The following APBB1IP variants were observed in gnomAD, a reference collection of about 807,000 sequenced individuals.
APBB1IP encodes amyloid beta A4 precursor protein-binding family B member 1-interacting protein.
In APBB1IP, 27 loss-of-function variants were observed where a neutral mutation model predicts 64.9. The observed-to-expected ratio is 0.42, with a 90% CI of 0.31 to 0.57. The LOEUF (loss-of-function observed/expected upper bound fraction) is 0.57. Ranked by LOEUF, APBB1IP falls within the 20% of genes least tolerant of loss-of-function variation. APBB1IP has a pLI of 0.20. For synonymous variants in APBB1IP, 392 were observed against 331.0 expected, an observed-to-expected ratio of 1.18 and a Z score of -2.00; for missense variants, 812 against 845.5, an observed-to-expected ratio of 0.96 and a Z score of 0.49.
At chr10:26,533,812 C>T (rs965216807) in intron 9 of APBB1IP, among the ~76,000 whole-genome samples, 2 of 152,026 alleles carry the variant, frequency 1.3e-5, no homozygotes, top group African/African-American at 4.8e-5. Context: ...AAGTGCTCCA[C>T]GGAAGTCAGA....
chr10:26,521,617 G>A (rs553381202), intron 8 of APBB1IP, among the ~76,000 whole-genome samples: 3 of 152,236 alleles, frequency 2.0e-5, no homozygotes, highest in Non-Finnish European at 2.9e-5. Context: ...AACCTCAGAC[G>A]ATGGCTCCTC....
At chr10:26,484,418 T>G (rs938401910) in intron 2 of APBB1IP, among the ~76,000 whole-genome samples, 1 of 152,180 alleles carries the variant, frequency 6.6e-6, no homozygotes, top group African/African-American at 2.4e-5. Flanking sequence ...TTCTTGTGCC[T>G]CAGACTCCCA....
rs149220554 is a variant in APBB1IP at position 26,491,177 on chromosome 10, G to T, written c.1-1150G>T. Among the ~76,000 whole-genome samples, 737 of 152,212 alleles carry T rather than the reference G, an allele frequency of 4.8e-3. 4 individuals carry two copies. The highest frequency in any genetic ancestry group is 0.027 in the South Asian group (128 of 4,822). On this transcript the variant is annotated intron_variant, in intron 2 of 14. Coordinates refer to ENST00000376236, the MANE Select transcript of APBB1IP (RefSeq NM_019043.4). ...GCCTGTCATCCCAGCTACTCTGGAGGCTGAGGAAGGAGAATTGCTTTAACC... is the reference window on the plus strand; with the variant it reads ...GCCTGTCATCCCAGCTACTCTGGAGTCTGAGGAAGGAGAATTGCTTTAACC...
intron 2 of APBB1IP, among the ~76,000 whole-genome samples, chr10:26,462,883 C>T (rs1430022846): frequency 1.3e-5 from 2 of 152,200 alleles, no homozygotes; most frequent in Non-Finnish European, 1.5e-5. Flanking sequence ...TTGATGACCC[C>T]GATTGTCGAC....
rs190603413 is a variant in APBB1IP, at chr10:26,552,166, T to A, written c.1156-7939T>A. Among the ~76,000 whole-genome samples the A allele has an allele frequency of 5.3e-5, 8 of 152,030 alleles. No individual in the cohort carries two copies. In the East Asian group the frequency reaches 1.4e-3, roughly 26 times the overall value. On this transcript the variant is annotated intron_variant, in intron 11 of 14. Transcript: ENST00000376236. Reference sequence around the variant, plus strand: ...AACTTTTTAAATCAGCAGGGTGTGGTAGCATGCACCTATAGTTCCCACTAC... The same window carrying A: ...AACTTTTTAAATCAGCAGGGTGTGGAAGCATGCACCTATAGTTCCCACTAC...
intron 2 of APBB1IP, among the ~76,000 whole-genome samples, chr10:26,440,785 G>C (rs1489641115): frequency 1.3e-5 from 2 of 152,002 alleles, no homozygotes; most frequent in Non-Finnish European, 2.9e-5. Flanking sequence ...GTTTTAAATA[G>C]TTCCATATTA....
chr10:26,495,881 A>G (rs531663266), intron 3 of APBB1IP, among the ~76,000 whole-genome samples: 1 of 144,094 alleles, frequency 6.9e-6, no homozygotes, highest in East Asian at 2.0e-4. Context: ...AAGTCATTAC[A>G]GAATTTTATA....
In APBB1IP at chr10:26,567,186, G is replaced by C. The variant is rs1163380652; in HGVS notation, c.1699G>C (p.Glu567Gln). The change falls in exon 15 of 15, where the codon GAG (glutamate) becomes CAG (glutamine). Residue 567 changes from glutamate to glutamine, a missense_variant. This residue lies in a region of APBB1IP where 381 missense variants were observed against 352.1 expected (regional missense o/e 1.08). Coordinates refer to ENST00000376236, the MANE Select transcript of APBB1IP (RefSeq NM_019043.4). ...PPPPPPLDDP[E>Q]LPPPPPDFME... The stretch of plus-strand genomic sequence containing the variant: ...ACCGCCGCCGCCCCTCGATGACCCT[G>C]AGCTCCCGCCGCCGCCCCCGGACTT... The C allele has an allele frequency of 7.1e-7, 1 of 1,409,528 alleles. No homozygotes were observed. Among genetic ancestry groups the C allele is most frequent in the Non-Finnish European group, 9.2e-7 (1 of 1,087,002 alleles). 87.3% of individuals were successfully genotyped at this position (1,409,528 alleles called of 1,614,324 possible).
At chr10:26,495,887 T>TTATA (rs547080357) in intron 3 of APBB1IP, among the ~76,000 whole-genome samples, 2 of 143,750 alleles carry the variant, frequency 1.4e-5, no homozygotes, top group African/African-American at 2.5e-5. Flanking sequence ...TTACAGAATT[T>TTATA]TATATATATA....
At chr10:26,492,895 C>T (rs901047430) in intron 3 of APBB1IP, among the ~76,000 whole-genome samples, 1 of 152,162 alleles carries the variant, frequency 6.6e-6, no homozygotes, top group Non-Finnish European at 1.5e-5. Flanking sequence ...GAGAACCAGT[C>T]TGACTAGAAT....
intron 6 of APBB1IP, among the ~76,000 whole-genome samples, chr10:26,508,876 C>G (rs1027945319): frequency 6.6e-6 from 1 of 152,050 alleles, no homozygotes; most frequent in African/African-American, 2.4e-5. Context: ...AGTATTTTTT[C>G]TCTGTATGTA....
chr10:26,526,282 A>G (rs1836472305), intron 8 of APBB1IP, among the ~76,000 whole-genome samples: 1 of 152,244 alleles, frequency 6.6e-6, no homozygotes, highest in South Asian at 2.1e-4. Context: ...ACAACCTTAC[A>G]TAAGGTAAAG....
chr10:26,541,509 C>A (rs1463864472), intron 10 of APBB1IP, 73 bp from the exon 11 acceptor site: 1 of 916,070 alleles, frequency 1.1e-6, no homozygotes, highest in Non-Finnish European at 1.7e-6. Flanking sequence ...CTTAGTTGTG[C>A]TATGAAGGAC....
intron 10 of APBB1IP, among the ~76,000 whole-genome samples, chr10:26,541,347 G>A (rs1025984313): frequency 3.9e-5 from 6 of 152,092 alleles, no homozygotes; most frequent in African/African-American, 1.4e-4. Flanking sequence ...TATTGGGAAA[G>A]ATTTATGTAT....
At chr10:26,475,394 TAC>T (rs1171676086) in intron 2 of APBB1IP, among the ~76,000 whole-genome samples, 3 of 152,176 alleles carry the variant, frequency 2.0e-5, no homozygotes, top group African/African-American at 7.2e-5. Context: ...GGAATGAGAT[TAC>T]AGGCCGGAGC....
rs201918276 is a variant in APBB1IP, at chr10:26,567,511, A to G, written c.*23A>G. ...TAGGGACGGGCATGATGAGTGTTCC[A>G]GAGGGAGAAGCATCGCTGACCCCGA... On this transcript the variant is annotated 3_prime_UTR_variant, in exon 15 of 15. Transcript: ENST00000376236. 259 of 1,538,198 alleles carry G rather than the reference A, an allele frequency of 1.7e-4. No individual in the cohort carries two copies. Among genetic ancestry groups the G allele is most frequent in the African/African-American group, 2.5e-4 (18 of 72,324 alleles).
At chr10:26,506,256 G>GA (rs1238676203) in intron 6 of APBB1IP, among the ~76,000 whole-genome samples, 1 of 141,902 alleles carries the variant, frequency 7.0e-6, no homozygotes, top group Non-Finnish European at 1.6e-5. Context: ...TGTGTGGGGG[G>GA]GGGGGGTGGG....
chr10:26,555,249 A>G (rs1424548243), intron 11 of APBB1IP, among the ~76,000 whole-genome samples: 1 of 152,048 alleles, frequency 6.6e-6, no homozygotes, highest in Non-Finnish European at 1.5e-5. Flanking sequence ...GCTGTTTTAA[A>G]ATGTCCAGTG....
At chr10:26,477,691 C>T (rs779242446) in intron 2 of APBB1IP, among the ~76,000 whole-genome samples, 5 of 152,208 alleles carry the variant, frequency 3.3e-5, no homozygotes, top group Non-Finnish European at 7.3e-5. Context: ...GCGAATAACA[C>T]GGCCTCGACT....
Sources: gnomAD v4.1 joint callset for allele counts (sites outside exome capture counted in the v4.1 genomes callset) on GRCh38, gnomAD v4.1.1 for gene constraint, gnomAD v4.1.1 regional missense constraint, MANE v1.5 for transcripts, NCBI Gene and HGNC (gene_info 2026-07-23, HGNC 2026-07-21) for gene names.